Variants in JARID2 observed in about 807,000 individuals in gnomAD.
JARID2 encodes protein Jumonji.
JARID2 carries 21 observed loss-of-function variants against 125.6 expected under a neutral mutation model. The ratio of observed to expected loss-of-function variants is 0.17; its 90% CI spans 0.12 to 0.24. The LOEUF is 0.24. JARID2 is among the 10% of genes least tolerant of loss of function. JARID2 has a pLI of 1.00. For synonymous variants in JARID2, 736 were observed against 661.6 expected (o/e 1.11, Z -1.73); for missense variants, 1,303 against 1,639.6 (o/e 0.79, Z 3.55).
chr6:15,328,315 C>T (rs188798774), intron 1 of JARID2, among the ~76,000 whole-genome samples: 3 of 152,304 alleles, frequency 2.0e-5, no homozygotes, highest in Admixed American at 1.3e-4. Context: ...TTACTGGGCA[C>T]CCGCTGTGTA....
chr6:15,449,161 A>AT (rs1352361181), intron 3 of JARID2, among the ~76,000 whole-genome samples: 1 of 152,032 alleles, frequency 6.6e-6, no homozygotes, highest in Non-Finnish European at 1.5e-5. Flanking sequence ...CATGACTTAT[A>AT]TAGAGGCAGG....
chr6:15,258,948 A>G (rs1759771881), intron 1 of JARID2, among the ~76,000 whole-genome samples: 1 of 152,212 alleles, frequency 6.6e-6, no homozygotes, highest in African/African-American at 2.4e-5. Context: ...GAGGAAGAGG[A>G]TAGAAATTCA....
intron 1 of JARID2, among the ~76,000 whole-genome samples, chr6:15,367,953 T>C (rs1173059940): frequency 6.6e-6 from 1 of 152,102 alleles, no homozygotes. Context: ...CTTGAGTCCT[T>C]TTCAGAGATT....
chr6:15,444,271 C>G (rs1038182336), intron 3 of JARID2, among the ~76,000 whole-genome samples: 1 of 152,138 alleles, frequency 6.6e-6, no homozygotes, highest in Non-Finnish European at 1.5e-5. Flanking sequence ...GTGGACCTTG[C>G]GCTTAGAAGG....
intron 4 of JARID2, among the ~76,000 whole-genome samples, chr6:15,461,535 A>G (rs936827429): frequency 4.6e-5 from 7 of 152,220 alleles, no homozygotes; most frequent in Non-Finnish European, 1.5e-5. Flanking sequence ...CCAAAGGTTC[A>G]GCTTATTCTA....
chr6:15,517,099 T>TA, intron 16 of JARID2, 62 bp from the exon 17 acceptor site: 1 of 1,289,732 alleles, frequency 7.8e-7, no homozygotes, highest in East Asian at 2.3e-5. Context: ...GCTCCTACCT[T>TA]ACCCTCCCAG....
intron 3 of JARID2, among the ~76,000 whole-genome samples, chr6:15,450,518 A>G (rs1401271528): frequency 1.3e-5 from 2 of 152,174 alleles, no homozygotes; most frequent in Admixed American, 6.5e-5. Context: ...TGCATTATCC[A>G]TCCTACGTAG....
At chr6:15,326,846 A>G (rs1163730242) in intron 1 of JARID2, among the ~76,000 whole-genome samples, 1 of 152,224 alleles carries the variant, frequency 6.6e-6, no homozygotes, top group Non-Finnish European at 1.5e-5. Flanking sequence ...GAGAAAACAT[A>G]CCCATGATAA....
At chr6:15,264,182 G>A (rs536448605) in intron 1 of JARID2, among the ~76,000 whole-genome samples, 15 of 152,302 alleles carry the variant, frequency 9.8e-5, no homozygotes, top group Non-Finnish European at 1.8e-4. Flanking sequence ...CAGAGAGTGC[G>A]TGTTCCGATT....
At chr6:15,502,042 A>T (rs6899343) in intron 8 of JARID2, among the ~76,000 whole-genome samples, 37,121 of 152,010 alleles carry the variant, frequency 0.24, 4,631 homozygotes, top group Middle Eastern at 0.36. Flanking sequence ...GTGGAGAGCT[A>T]TCCCTGATAA....
intron 1 of JARID2, among the ~76,000 whole-genome samples, chr6:15,281,258 C>T (rs1760737656): frequency 6.6e-6 from 1 of 152,210 alleles, no homozygotes; most frequent in African/African-American, 2.4e-5. Context: ...GCTAGGTGAA[C>T]TACGAAGTCA....
At chr6:15,433,924 GTGTGTGTGTGTGTGTGTGTGT>G (rs1767085510) in intron 3 of JARID2, among the ~76,000 whole-genome samples, 1 of 25,360 alleles carries the variant, frequency 3.9e-5, no homozygotes, top group Non-Finnish European at 9.9e-5. Context: ...TCTCCAGGGT[GTGTGTGTGTGTGTGTGTGTGT>G]GTGTGTGTGT....
intron 1 of JARID2, among the ~76,000 whole-genome samples, chr6:15,290,750 C>G (rs1761175363): frequency 6.6e-6 from 1 of 151,986 alleles, no homozygotes; most frequent in Admixed American, 6.6e-5. Flanking sequence ...TCCTGAGTAG[C>G]TGGGACTACA....
intron 3 of JARID2, among the ~76,000 whole-genome samples, chr6:15,426,594 G>C (rs1032170421): frequency 1.3e-5 from 2 of 152,196 alleles, no homozygotes; most frequent in Non-Finnish European, 2.9e-5. Context: ...CAGAGGCACT[G>C]AATCAATATT....
chr6:15,303,718 A>G (rs151168602), intron 1 of JARID2, among the ~76,000 whole-genome samples: 187 of 152,352 alleles, frequency 1.2e-3, no homozygotes, highest in Admixed American at 4.9e-3. Context: ...GACAAAACCC[A>G]AACTCAATCA....
At chr6:15,337,272 T>C (rs1199462277) in intron 1 of JARID2, among the ~76,000 whole-genome samples, 3 of 152,218 alleles carry the variant, frequency 2.0e-5, no homozygotes, top group Non-Finnish European at 4.4e-5. Context: ...CCTCTAGGCA[T>C]TGGCAATATT....
chr6:15,471,189 C>G (rs185706249), intron 5 of JARID2, among the ~76,000 whole-genome samples: 3 of 152,152 alleles, frequency 2.0e-5, no homozygotes, highest in African/African-American at 7.2e-5. Context: ...AAGGTAATAA[C>G]TTTATAATCT....
intron 1 of JARID2, among the ~76,000 whole-genome samples, chr6:15,251,155 G>A (rs1759433962): frequency 6.6e-6 from 1 of 151,970 alleles, no homozygotes; most frequent in Non-Finnish European, 1.5e-5. Flanking sequence ...GGGATTACAG[G>A]CACCCCCTAT....
chr6:15,445,169 G>T (rs548486554), intron 3 of JARID2, among the ~76,000 whole-genome samples: 4 of 152,304 alleles, frequency 2.6e-5, no homozygotes, highest in East Asian at 1.9e-4. Context: ...TGCCACCCTT[G>T]TGTGAAGCTT....
Sources: allele counts gnomAD v4.1 joint callset (sites outside exome capture counted in the v4.1 genomes callset), GRCh38; gene constraint gnomAD v4.1.1; transcripts MANE v1.5; gene names NCBI Gene and HGNC (gene_info 2026-07-23, HGNC 2026-07-21).